Variants in DPP10 observed in about 807,000 individuals in gnomAD.
The protein encoded by DPP10 is inactive dipeptidyl peptidase 10.
In DPP10, 33 loss-of-function variants were observed where a neutral mutation model predicts 120.9. The ratio of observed to expected loss-of-function variants is 0.27; its 90% CI spans 0.21 to 0.37. DPP10 has a LOEUF of 0.37. DPP10 is among the 10% of genes least tolerant of loss of function. The pLI, the probability that DPP10 is intolerant of heterozygous loss-of-function variation, is 1.00. For missense variants in DPP10, 816 were observed against 942.8 expected (o/e 0.87, Z 1.76); for synonymous variants, 337 against 326.1 (o/e 1.03, Z -0.36).
intron 1 of DPP10, among the ~76,000 whole-genome samples, chr2:114,600,679 T>A (rs1692285368): frequency 6.6e-6 from 1 of 152,032 alleles, no homozygotes; most frequent in Non-Finnish European, 1.5e-5. Context: ...TCTAATTTAG[T>A]GTTTAATGTC....
intron 13 of DPP10, 100 bp downstream of exon 13, chr2:115,768,504 A>C (rs1575726783): frequency 2.3e-4 from 218 of 967,730 alleles, no homozygotes; most frequent in East Asian, 5.2e-5. Flanking sequence ...TGGTGGTGAA[A>C]CCCAGCCATA....
chr2:115,419,942 C>T (rs1228707989), intron 3 of DPP10, among the ~76,000 whole-genome samples: 2 of 152,064 alleles, frequency 1.3e-5, no homozygotes, highest in Non-Finnish European at 2.9e-5. Flanking sequence ...GGAACTTTCC[C>T]CTTGCAATTG....
intron 5 of DPP10, among the ~76,000 whole-genome samples, chr2:115,653,754 T>C (rs1455451765): frequency 6.6e-6 from 1 of 151,428 alleles, no homozygotes; most frequent in East Asian, 1.9e-4. Context: ...GGAATGATAA[T>C]GTCATGGGAA....
At chr2:115,418,392 AAG>A (rs2069621460) in intron 3 of DPP10, among the ~76,000 whole-genome samples, 1 of 152,256 alleles carries the variant, frequency 6.6e-6, no homozygotes, top group African/African-American at 2.4e-5. Context: ...AAGGTGGAGA[AAG>A]AGAGTGAAGA....
intron 3 of DPP10, among the ~76,000 whole-genome samples, chr2:115,356,139 C>T (rs1227931035): frequency 6.7e-6 from 1 of 149,120 alleles, no homozygotes; most frequent in African/African-American, 2.5e-5. Flanking sequence ...CTATAAATTA[C>T]TTTGGGCAAT....
intron 1 of DPP10, among the ~76,000 whole-genome samples, chr2:114,571,118 C>T (rs1324778923): frequency 1.3e-5 from 2 of 151,982 alleles, no homozygotes; most frequent in Admixed American, 6.6e-5. Context: ...TGTTTGGATT[C>T]GTGCCCCCAC....
chr2:115,357,947 A>T (rs944359657), intron 3 of DPP10, among the ~76,000 whole-genome samples: 1 of 152,112 alleles, frequency 6.6e-6, no homozygotes, highest in African/African-American at 2.4e-5. Context: ...AGAGGCTGGG[A>T]CACAGTACCG....
intron 4 of DPP10, among the ~76,000 whole-genome samples, chr2:115,509,266 A>G (rs1292405683): frequency 2.0e-5 from 3 of 152,182 alleles, no homozygotes; most frequent in Non-Finnish European, 4.4e-5. Context: ...GTGCCAGCAG[A>G]GAAGAGAAAG....
At chr2:115,366,478 G>T (rs556000909) in intron 3 of DPP10, among the ~76,000 whole-genome samples, 1 of 152,046 alleles carries the variant, frequency 6.6e-6, no homozygotes, top group Admixed American at 6.6e-5. Context: ...AATGTACATT[G>T]CTATGTATGT....
At chr2:115,615,245 C>A (rs1296127991) in intron 5 of DPP10, among the ~76,000 whole-genome samples, 1 of 152,038 alleles carries the variant, frequency 6.6e-6, no homozygotes, top group Non-Finnish European at 1.5e-5. Context: ...AGTGGGTAAC[C>A]TTTGTGTCCA....
intron 1 of DPP10, among the ~76,000 whole-genome samples, chr2:114,940,097 C>A (rs147827553): frequency 1.0e-3 from 153 of 152,214 alleles, no homozygotes; most frequent in African/African-American, 3.6e-3. Context: ...GTATTTTAAT[C>A]CCTAGCAGTT....
chr2:114,629,250 T>C (rs564454433), intron 1 of DPP10, among the ~76,000 whole-genome samples: 1 of 152,308 alleles, frequency 6.6e-6, no homozygotes, highest in African/African-American at 2.4e-5. Flanking sequence ...GTCAGATCAA[T>C]TGTCAGCCTG....
At chr2:115,534,938 C>T (rs1383616637) in intron 5 of DPP10, among the ~76,000 whole-genome samples, 21 of 151,210 alleles carry the variant, frequency 1.4e-4, no homozygotes, top group East Asian at 9.8e-4. Flanking sequence ...TCATGTCCTT[C>T]GCCCACTTTT....
intron 1 of DPP10, among the ~76,000 whole-genome samples, chr2:114,566,480 T>C (rs1272226146): frequency 2.6e-5 from 4 of 152,222 alleles, no homozygotes; most frequent in Admixed American, 2.6e-4. Context: ...TATCATGGTG[T>C]ATTTGTCAAA....
intron 3 of DPP10, among the ~76,000 whole-genome samples, chr2:115,384,393 CAGA>C (rs1301089832): frequency 1.5e-5 from 2 of 130,918 alleles, no homozygotes; most frequent in Non-Finnish European, 3.4e-5. Context: ...GAAGCAGAAG[CAGA>C]AGAAGGAGAA....
chr2:114,774,676 T>C (rs990019588), intron 1 of DPP10, among the ~76,000 whole-genome samples: 4 of 150,478 alleles, frequency 2.7e-5, no homozygotes, highest in Non-Finnish European at 5.9e-5. Context: ...TATATATATA[T>C]ATATACTCTA....
At chr2:115,370,761 T>C (rs1430989513) in intron 3 of DPP10, among the ~76,000 whole-genome samples, 1 of 152,098 alleles carries the variant, frequency 6.6e-6, no homozygotes, top group East Asian at 1.9e-4. Flanking sequence ...CTGGTGGATT[T>C]GTTAAAACAT....
chr2:115,563,032 G>C (rs2080785398), intron 5 of DPP10, among the ~76,000 whole-genome samples: 1 of 152,128 alleles, frequency 6.6e-6, no homozygotes. Context: ...TACCTTTCCT[G>C]GAATATAATT....
chr2:115,497,771 G>T (rs1465941626), intron 3 of DPP10, among the ~76,000 whole-genome samples: 3 of 151,990 alleles, frequency 2.0e-5, no homozygotes, highest in African/African-American at 7.2e-5. Context: ...CAAATCAGCT[G>T]GCAAGACCAA....
Sources: gnomAD v4.1 joint callset for allele counts (sites outside exome capture counted in the v4.1 genomes callset) on GRCh38, gnomAD v4.1.1 for gene constraint, MANE v1.5 for transcripts, NCBI Gene and HGNC (gene_info 2026-07-23, HGNC 2026-07-21) for gene names.